Variants in CTNNA2 observed in about 807,000 individuals in gnomAD.
The protein encoded by CTNNA2 is catenin alpha 2.
Under a neutral mutation model 101.0 loss-of-function variants are expected in CTNNA2, and 42 were observed. The ratio of observed to expected loss-of-function variants is 0.42; its 90% CI spans 0.32 to 0.54. The LOEUF (loss-of-function observed/expected upper bound fraction) is 0.54. CTNNA2 is among the 20% of genes least tolerant of loss of function. The pLI is 0.14. For synonymous variants in CTNNA2, 450 were observed against 456.4 expected (o/e 0.99, Z 0.18); for missense variants, 871 against 1,223.1 (o/e 0.71, Z 4.29).
intron 2 of CTNNA2, among the ~76,000 whole-genome samples, chr2:79,677,167 T>G (rs2104617766): frequency 6.6e-6 from 1 of 152,316 alleles, no homozygotes; most frequent in South Asian, 2.1e-4. Context: ...ATGATATGAT[T>G]ATTATACTCA....
At chr2:79,712,666 A>C (rs966383349) in intron 2 of CTNNA2, among the ~76,000 whole-genome samples, 2 of 152,174 alleles carry the variant, frequency 1.3e-5, no homozygotes, top group Non-Finnish European at 2.9e-5. Flanking sequence ...AAAAAAAATT[A>C]TAGTCAGGTA....
At chr2:79,295,823 G>A (rs372123852) in intron 2 of CTNNA2, among the ~76,000 whole-genome samples, 3 of 151,902 alleles carry the variant, frequency 2.0e-5, no homozygotes, top group African/African-American at 7.2e-5. Flanking sequence ...ATACAACTTG[G>A]ATTAATTGAG....
intron 7 of CTNNA2, among the ~76,000 whole-genome samples, chr2:80,153,016 G>A (rs543333762): frequency 2.0e-5 from 3 of 152,304 alleles, no homozygotes; most frequent in South Asian, 4.1e-4. Context: ...CAGCCATATT[G>A]ACAACTACAT....
intron 2 of CTNNA2, among the ~76,000 whole-genome samples, chr2:79,308,309 T>C (rs1297314331): frequency 1.3e-5 from 2 of 152,116 alleles, no homozygotes; most frequent in African/African-American, 2.4e-5. Flanking sequence ...GCCCCCCAAA[T>C]TTCTGGGATT....
intron 3 of CTNNA2, among the ~76,000 whole-genome samples, chr2:79,849,866 A>G (rs910633061): frequency 6.6e-6 from 1 of 152,208 alleles, no homozygotes; most frequent in African/African-American, 2.4e-5. Context: ...TCAATTCAAT[A>G]TGGTTCAAAA....
At chr2:79,359,222 T>C (rs1677573077) in intron 3 of CTNNA2, among the ~76,000 whole-genome samples, 1 of 152,160 alleles carries the variant, frequency 6.6e-6, no homozygotes, top group South Asian at 2.1e-4. Context: ...GAAGGCCAAG[T>C]ATGATGTTGC....
intron 9 of CTNNA2, among the ~76,000 whole-genome samples, chr2:80,423,184 C>G (rs1402087924): frequency 3.3e-5 from 5 of 151,980 alleles, no homozygotes; most frequent in African/African-American, 4.8e-5. Flanking sequence ...TATCTCTGCT[C>G]TCTTTATAGT....
chr2:79,965,358 G>A (rs1226896137), intron 7 of CTNNA2, among the ~76,000 whole-genome samples: 2 of 152,126 alleles, frequency 1.3e-5, no homozygotes, highest in Non-Finnish European at 2.9e-5. Flanking sequence ...GAATTCTCTC[G>A]TGATTAGTTA....
intron 7 of CTNNA2, among the ~76,000 whole-genome samples, chr2:80,259,090 T>C (rs910619261): frequency 6.6e-6 from 1 of 151,906 alleles, no homozygotes; most frequent in Non-Finnish European, 1.5e-5. Context: ...GTTCCAGGAG[T>C]GATTGACTCA....
chr2:80,251,224 C>T (rs909720704), intron 7 of CTNNA2, among the ~76,000 whole-genome samples: 3 of 152,140 alleles, frequency 2.0e-5, no homozygotes, highest in East Asian at 1.9e-4. Context: ...GTGCCAACTA[C>T]GTCCGGCACC....
At chr2:80,355,733 C>A (rs1673724114) in intron 7 of CTNNA2, among the ~76,000 whole-genome samples, 1 of 152,010 alleles carries the variant, frequency 6.6e-6, no homozygotes, top group South Asian at 2.1e-4. Flanking sequence ...TATTTTTGTT[C>A]CCATTGGACA....
intron 8 of CTNNA2, among the ~76,000 whole-genome samples, chr2:80,406,083 C>T (rs576058499): frequency 2.0e-5 from 3 of 152,276 alleles, no homozygotes; most frequent in Admixed American, 6.5e-5. Flanking sequence ...TTGGGCCACG[C>T]GCGGTGGCTC....
intron 17 of CTNNA2, among the ~76,000 whole-genome samples, chr2:80,618,224 A>C (rs1027511671): frequency 1.3e-5 from 2 of 151,844 alleles, no homozygotes; most frequent in African/African-American, 4.8e-5. Context: ...CATGACAAAA[A>C]CATTTTGGTC....
chr2:79,711,321 ATTAC>A (rs997875995), intron 2 of CTNNA2, among the ~76,000 whole-genome samples: 2 of 152,144 alleles, frequency 1.3e-5, no homozygotes, highest in African/African-American at 4.8e-5. Flanking sequence ...CTCTTCTGCT[ATTAC>A]TTTGCTTGGA....
At chr2:79,781,241 G>C (rs184890630) in intron 3 of CTNNA2, among the ~76,000 whole-genome samples, 1 of 152,298 alleles carries the variant, frequency 6.6e-6, no homozygotes, top group Non-Finnish European at 1.5e-5. Context: ...AAACTGTCAT[G>C]ATGTTGGTGG....
chr2:79,653,205 G>A (rs1246909177), intron 2 of CTNNA2, among the ~76,000 whole-genome samples: 3 of 152,054 alleles, frequency 2.0e-5, no homozygotes, highest in African/African-American at 7.2e-5. Context: ...CTGCTCTCTG[G>A]GCCTAGTTCA....
intron 2 of CTNNA2, among the ~76,000 whole-genome samples, chr2:79,276,479 T>C (rs973186853): frequency 2.6e-5 from 4 of 152,118 alleles, no homozygotes; most frequent in Non-Finnish European, 5.9e-5. Flanking sequence ...TAATAAAAAG[T>C]AAATCATTTT....
chr2:79,698,969 T>G (rs1430553928), intron 2 of CTNNA2, among the ~76,000 whole-genome samples: 1 of 152,086 alleles, frequency 6.6e-6, no homozygotes, highest in East Asian at 1.9e-4. Flanking sequence ...CCTAATTCTA[T>G]TTGATCCTCC....
chr2:80,345,514 G>T (rs1672655565), intron 7 of CTNNA2, among the ~76,000 whole-genome samples: 1 of 152,040 alleles, frequency 6.6e-6, no homozygotes. Flanking sequence ...CATCTGGTGT[G>T]CTATCTATTT....
Sources: gnomAD v4.1 joint callset for allele counts (sites outside exome capture counted in the v4.1 genomes callset) on GRCh38, gnomAD v4.1.1 for gene constraint, MANE v1.5 for transcripts, NCBI Gene and HGNC (gene_info 2026-07-23, HGNC 2026-07-21) for gene names.